The following SUPT6H variants were observed in gnomAD, a reference collection of about 807,000 sequenced individuals.
The protein encoded by SUPT6H is SPT6 homolog, histone chaperone and transcription elongation factor.
A neutral mutation model predicts 222.3 loss-of-function variants in SUPT6H; 11 were observed. The ratio of observed to expected loss-of-function variants is 0.05; its 90% CI spans 0.03 to 0.08. The LOEUF is 0.08. Among genes scored for constraint, SUPT6H ranks in the 10% least tolerant of loss-of-function variants. SUPT6H has a pLI of 1.00. For missense variants in SUPT6H, 1,422 were observed against 2,216.0 expected (o/e 0.64, Z 7.19); for synonymous variants, 762 against 801.2 (o/e 0.95, Z 0.83).
At position 28,681,394 on chromosome 17, in the gene SUPT6H, A is replaced by AGAT; in HGVS notation, c.1491_1493dup (p.Asp497dup). 1.2e-6 allele frequency: 2 copies of AGAT among 1,601,686 alleles called. No individual in the cohort carries two copies. The highest frequency in any genetic ancestry group is 1.7e-6 in the Non-Finnish European group (2 of 1,175,056). ...AGCTGAAGCGTGTCAGGGAAGAGGGAGATGAAGAAGGTTAGTGCTGGAAAA... is the reference window on the plus strand; with the variant it reads ...AGCTGAAGCGTGTCAGGGAAGAGGGAGATGATGAAGAAGGTTAGTGCTGGAAAA... On this transcript the variant is annotated inframe_insertion, in exon 12 of 37. Coordinates refer to ENST00000314616, the MANE Select transcript of SUPT6H (RefSeq NM_003170.5).
chr17:28,677,507 TG>T (rs1210344321), intron 7 of SUPT6H, among the ~76,000 whole-genome samples: 3 of 152,062 alleles, frequency 2.0e-5, no homozygotes, highest in South Asian at 4.2e-4. Context: ...ATCGCGCCGT[TG>T]TGTTCCAGCC....
chr17:28,686,999 A>G, intron 21 of SUPT6H, 89 bp from the exon 22 acceptor site: 1 of 1,543,902 alleles, frequency 6.5e-7, no homozygotes. Context: ...GAAGCAGAGA[A>G]AATGATTTAA....
chr17:28,692,354 C>T lies in SUPT6H; in HGVS notation c.3633+1291C>T, dbSNP rs1296791958. ...AAAAAAAAGTGGGGAGGGGCCAGGC[C>T]GGGCACAGTGGCTCATGCCTGTAAT... On this transcript the variant is annotated intron_variant, in intron 27 of 36. Transcript: ENST00000314616. Among the ~76,000 whole-genome samples the T allele has an allele frequency of 4.1e-5, 6 of 145,272 alleles. 1 individual carries two copies. Among genetic ancestry groups the T allele is most frequent in the African/African-American group, 1.5e-4 (6 of 38,834 alleles).
chr17:28,670,885 CAA>C (rs377627038), intron 1 of SUPT6H: 15 of 137,328 alleles, frequency 1.1e-4, no homozygotes, highest in East Asian at 2.1e-4. Context: ...AACTCCATCT[CAA>C]AAAAAAAAAA....
chr17:28,675,578 T>G, intron 6 of SUPT6H, 93 bp downstream of exon 6: 1 of 1,348,438 alleles, frequency 7.4e-7, no homozygotes, highest in South Asian at 1.2e-5. Flanking sequence ...AAATGGGGCA[T>G]TCCCAGCTTG....
intron 27 of SUPT6H, among the ~76,000 whole-genome samples, chr17:28,692,063 C>T (rs2031682815): frequency 6.6e-6 from 1 of 151,622 alleles, no homozygotes; most frequent in Admixed American, 6.6e-5. Flanking sequence ...GTGGCTCACT[C>T]CTGTAATCCC....
In SUPT6H at chr17:28,686,782, A is replaced by G; in HGVS notation, c.2693A>G (p.Lys898Arg). The change falls in exon 21 of 37, where the codon AAG becomes AGG. Residue 898 changes from lysine (K) to arginine (R), a missense_variant. Lys to Arg is a conservative substitution (Grantham distance 26). Coordinates refer to ENST00000314616, the MANE Select transcript of SUPT6H (RefSeq NM_003170.5). Reference protein sequence around the residue: ...ELAILYMNSKKSEAEFRDYPP... With the variant: ...ELAILYMNSKRSEAEFRDYPP... ...GCCATTCTCTATATGAACAGCAAGA[A>G]GTCAGAGGTAATGCTGGAGCCTCAC... The G allele has an allele frequency of 6.2e-7, 1 of 1,601,688 alleles. No homozygotes were observed. Among genetic ancestry groups the G allele is most frequent in the Non-Finnish European group, 8.5e-7 (1 of 1,175,064 alleles).
intron 1 of SUPT6H, among the ~76,000 whole-genome samples, chr17:28,663,827 C>CCTTTTTTTT (rs1567681347): frequency 1.2e-4 from 1 of 8,408 alleles, no homozygotes; most frequent in Non-Finnish European, 3.1e-4. Flanking sequence ...CTGCCCACTC[C>CCTTTTTTTT]ATTTTTTTTT....
At chr17:28,669,780 A>C (rs4794834) in intron 1 of SUPT6H, among the ~76,000 whole-genome samples, 1 of 152,276 alleles carries the variant, frequency 6.6e-6, no homozygotes, top group African/African-American at 2.4e-5. Flanking sequence ...ACTAAAAAAA[A>C]CAAAAATTAG....
chr17:28,678,531 C>T lies in SUPT6H; in HGVS notation c.1117-14C>T, dbSNP rs778913757. Reference sequence around the variant, plus strand: ...TGTCTTCTCTGAGTGACTGCAGTCTCTTTGCCATCCTAGGTGCCTTTTATT... The same window carrying T: ...TGTCTTCTCTGAGTGACTGCAGTCTTTTTGCCATCCTAGGTGCCTTTTATT... On this transcript the variant is annotated splice_polypyrimidine_tract_variant and intron_variant, in intron 9 of 36. Transcript: ENST00000314616. 1 of 1,613,712 alleles carries T rather than the reference C, an allele frequency of 6.2e-7. No individual in the cohort carries two copies. Among genetic ancestry groups the T allele is most frequent in the East Asian group, 2.2e-5 (1 of 44,884 alleles).
intron 1 of SUPT6H, among the ~76,000 whole-genome samples, chr17:28,663,418 T>G (rs2072102531): frequency 6.6e-6 from 1 of 152,226 alleles, no homozygotes; most frequent in Non-Finnish European, 1.5e-5. Context: ...ATCAGGAGAT[T>G]AATTACATCA....
chr17:28,684,581 C>T lies in SUPT6H; in HGVS notation c.2230-5C>T. On this transcript the variant is annotated splice_polypyrimidine_tract_variant and splice_region_variant and intron_variant, in intron 17 of 36. Coordinates refer to ENST00000314616, the MANE Select transcript of SUPT6H (RefSeq NM_003170.5). ...ATGTAATACCTGTTGTGTCTCTTCC[C>T]TCAGGCCTGTAGTCGAAAGCTCTAC... 8 of 1,614,114 alleles carry T rather than the reference C, an allele frequency of 5.0e-6. No individual in the cohort carries two copies. Among genetic ancestry groups the T allele is most frequent in the Non-Finnish European group, 6.8e-6 (8 of 1,180,030 alleles).
At chr17:28,686,553 C>T in intron 20 of SUPT6H, 101 bp from the exon 21 acceptor site, 1 of 1,540,096 alleles carries the variant, frequency 6.5e-7, no homozygotes, top group Non-Finnish European at 8.8e-7. Flanking sequence ...ACCTCATTTT[C>T]TTCAAAGCCC....
Position 28,698,037 on chromosome 17 carries a change from A to T in SUPT6H, c.4448+7A>T. On this transcript the variant is annotated splice_region_variant and intron_variant, in intron 32 of 36. Transcript: ENST00000314616. The stretch of plus-strand genomic sequence containing the variant: ...AGCCCCGGGGTAAACCCAGGTGAGC[A>T]CTAGTGCTGAGAAGGTGCTGCCACT... 1 of 1,605,942 alleles carries T rather than the reference A, an allele frequency of 6.2e-7. No homozygotes were observed. Among genetic ancestry groups the T allele is most frequent in the Non-Finnish European group, 8.5e-7 (1 of 1,179,662 alleles).
At chr17:28,683,585 C>T (rs1305160141) in intron 16 of SUPT6H, 36 bp from the exon 17 acceptor site, 4 of 1,603,228 alleles carry the variant, frequency 2.5e-6, no homozygotes, top group Non-Finnish European at 3.4e-6. Context: ...CACCTTTTCT[C>T]CATTCCTGAC....
intron 6 of SUPT6H, 41 bp from the exon 7 acceptor site, chr17:28,676,116 C>T: frequency 6.5e-7 from 1 of 1,545,302 alleles, no homozygotes; most frequent in Non-Finnish European, 8.7e-7. Flanking sequence ...TCTCTCCTCT[C>T]ACCTGAACCT....
chr17:28,680,942 A>T (rs1169558578), intron 11 of SUPT6H, among the ~76,000 whole-genome samples: 1 of 152,160 alleles, frequency 6.6e-6, no homozygotes, highest in Non-Finnish European at 1.5e-5. Flanking sequence ...CCACTGCACC[A>T]GCTATGTGTC....
At chr17:28,673,263 TG>T (rs2030541187) in intron 1 of SUPT6H, 107 bp from the exon 2 acceptor site, 2 of 613,302 alleles carry the variant, frequency 3.3e-6, no homozygotes, top group Non-Finnish European at 5.8e-6. Flanking sequence ...GAATGTTGAG[TG>T]GGCAGAGCAG....
chr17:28,677,874 G>A (rs1414820670), intron 8 of SUPT6H, 58 bp downstream of exon 8: 1 of 1,505,112 alleles, frequency 6.6e-7, no homozygotes, highest in Non-Finnish European at 9.2e-7. Context: ...CATCAAGATG[G>A]GGAGCTCTTC....
Sources: allele counts gnomAD v4.1 joint callset (sites outside exome capture counted in the v4.1 genomes callset), GRCh38; gene constraint gnomAD v4.1.1; transcripts MANE v1.5; gene names NCBI Gene and HGNC (gene_info 2026-07-23, HGNC 2026-07-21).